Variants in FRMD4B observed in about 807,000 individuals in gnomAD.
The protein encoded by FRMD4B is FERM domain containing 4B, also known as FERM domain-containing protein 4B.
Under a neutral mutation model 141.5 loss-of-function variants are expected in FRMD4B, and 74 were observed. The observed-to-expected ratio is 0.52, with a 90% CI of 0.43 to 0.63. FRMD4B has a LOEUF of 0.63. Among genes scored for constraint, FRMD4B ranks in the 30% least tolerant of loss-of-function variants. The pLI is 0.00. For synonymous variants in FRMD4B, 506 were observed against 467.9 expected (o/e 1.08, Z -1.05); for missense variants, 1,366 against 1,253.4 (o/e 1.09, Z -1.36).
At chr3:69,429,750 CTTTTTTTTTTTTT>C (rs60665985) in intron 2 of FRMD4B, among the ~76,000 whole-genome samples, 3 of 79,478 alleles carry the variant, frequency 3.8e-5, no homozygotes, top group Admixed American at 1.5e-4. Context: ...GAGACCTCTT[CTTTTTTTTTTTTT>C]TTTTTTTTTT....
At chr3:69,283,894 C>T (rs13100429) in intron 5 of FRMD4B, among the ~76,000 whole-genome samples, 27,557 of 150,276 alleles carry the variant, frequency 0.18, 2,960 homozygotes, top group East Asian at 0.38. Flanking sequence ...AACTCTGCTT[C>T]GAATATTTAC....
chr3:69,308,786 C>T (rs1029585288), intron 3 of FRMD4B, among the ~76,000 whole-genome samples: 2 of 151,958 alleles, frequency 1.3e-5, no homozygotes. Context: ...CATGCTTAGC[C>T]CCACCTCAGG....
At chr3:69,232,458 C>G (rs2093314514) in intron 7 of FRMD4B, among the ~76,000 whole-genome samples, 1 of 152,194 alleles carries the variant, frequency 6.6e-6, no homozygotes, top group African/African-American at 2.4e-5. Context: ...CTGCCCATGA[C>G]CCACTATTTA....
At position 69,349,537 on chromosome 3, in the gene FRMD4B, C is replaced by T. The variant is rs143174950; in HGVS notation, c.163-36020G>A. 1.8e-3 allele frequency among the ~76,000 whole-genome samples: 269 copies of T among 152,236 alleles called. 1 individual carries two copies. The highest frequency in any genetic ancestry group is 5.4e-3 in the African/African-American group (224 of 41,542). ...CCAAGTCAATCCTAAGCCAAAAGAA[C>T]GAAACTGGAGGCATCAAGCTACCTG... On this transcript the variant is annotated intron_variant, in intron 1 of 22. Transcript: ENST00000398540.
intron 1 of FRMD4B, among the ~76,000 whole-genome samples, chr3:69,490,942 G>C (rs1051369189): frequency 2.6e-5 from 4 of 152,100 alleles, no homozygotes; most frequent in African/African-American, 9.7e-5. Context: ...CCTCCAAGAA[G>C]GAGCCAGAAT....
intron 1 of FRMD4B, among the ~76,000 whole-genome samples, chr3:69,342,351 A>G (rs1702767794): frequency 6.6e-6 from 1 of 152,232 alleles, no homozygotes; most frequent in Admixed American, 6.5e-5. Context: ...TCCAAATGAC[A>G]GAATGCTGAT....
rs1553730362 is a variant in FRMD4B at position 69,362,710 on chromosome 3, C to CCA, written c.162+23117_162+23118insTG. ...AACAACAAAAAGCCAACCCCCCCCC[C>CCA]AAAAAAACAAACAAAAAACAAAAAC... On this transcript the variant is annotated intron_variant, in intron 1 of 22. Coordinates refer to ENST00000398540, the MANE Select transcript of FRMD4B (RefSeq NM_015123.3). Among the ~76,000 whole-genome samples, 438 of 148,184 alleles carry CCA rather than the reference C, an allele frequency of 3.0e-3. 8 individuals carry two copies. The highest frequency in any genetic ancestry group is 0.01 in the African/African-American group (407 of 40,126).
chr3:69,278,880 T>C (rs1365361966), intron 5 of FRMD4B, among the ~76,000 whole-genome samples: 2 of 152,180 alleles, frequency 1.3e-5, no homozygotes, highest in Non-Finnish European at 2.9e-5. Flanking sequence ...TGAGCCACCA[T>C]GCCCTGCTCC....
At chr3:69,296,648 T>A (rs1279884348) in intron 4 of FRMD4B, among the ~76,000 whole-genome samples, 1 of 152,172 alleles carries the variant, frequency 6.6e-6, no homozygotes, top group East Asian at 1.9e-4. Context: ...CAGCTCAGCC[T>A]AAGTAGGAGA....
chr3:69,179,028 A>G (rs2092678325), intron 21 of FRMD4B, among the ~76,000 whole-genome samples: 1 of 151,950 alleles, frequency 6.6e-6, no homozygotes, highest in African/African-American at 2.4e-5. Context: ...TTATCACTCC[A>G]TGAGAATGAC....
intron 1 of FRMD4B, among the ~76,000 whole-genome samples, chr3:69,437,055 A>C (rs1031490068): frequency 6.6e-6 from 1 of 152,048 alleles, no homozygotes; most frequent in African/African-American, 2.4e-5. Flanking sequence ...CTGGAGATGA[A>C]TCGTGGTAGT....
chr3:69,408,422 C>T (rs1704690114), intron 2 of FRMD4B, among the ~76,000 whole-genome samples: 1 of 152,272 alleles, frequency 6.6e-6, no homozygotes, highest in South Asian at 2.1e-4. Context: ...CTGAAAGTTC[C>T]GCCAATTGAC....
intron 1 of FRMD4B, among the ~76,000 whole-genome samples, chr3:69,380,272 G>A (rs1397386124): frequency 6.6e-6 from 1 of 152,140 alleles, no homozygotes; most frequent in Non-Finnish European, 1.5e-5. Context: ...GCTGCTGTGG[G>A]AAATTTCACA....
chr3:69,338,533 C>A (rs1382042413), intron 1 of FRMD4B, among the ~76,000 whole-genome samples: 7 of 151,446 alleles, frequency 4.6e-5, no homozygotes, highest in African/African-American at 1.7e-4. Context: ...TCCTTTGCAA[C>A]AACATGAATG....
At chr3:69,536,860 C>T (rs1398673575) in intron 1 of FRMD4B, among the ~76,000 whole-genome samples, 1 of 152,142 alleles carries the variant, frequency 6.6e-6, no homozygotes, top group Non-Finnish European at 1.5e-5. Flanking sequence ...GATTCTTCCA[C>T]CTCAGCCTTC....
rs138697424 is a variant in FRMD4B, at chr3:69,428,276, C to CAT, written c.-1+4356_-1+4357dup. On this transcript the variant is annotated intron_variant, in intron 2 of 5. Coordinates refer to the FRMD4B transcript ENST00000459638. ...TAGCTGTGTGACCTGGGGCATGTTA[C>CAT]ATAACCTCTCTGTTCTCAGTGATCT... 2.6e-3 allele frequency among the ~76,000 whole-genome samples: 389 copies of CAT among 151,510 alleles called. 3 individuals carry two copies. Among genetic ancestry groups the CAT allele is most frequent in the African/African-American group, 8.9e-3 (368 of 41,356 alleles).
intron 5 of FRMD4B, among the ~76,000 whole-genome samples, chr3:69,270,569 C>CTTT (rs57693333): frequency 0.11 from 16,418 of 143,642 alleles, 1,330 homozygotes; most frequent in East Asian, 0.27. Flanking sequence ...TTCTTTTTTT[C>CTTT]TTTTTTTTTT....
At chr3:69,507,260 G>T (rs902582961) in intron 1 of FRMD4B, among the ~76,000 whole-genome samples, 4 of 152,080 alleles carry the variant, frequency 2.6e-5, no homozygotes, top group Admixed American at 2.6e-4. Context: ...TCAGTGAAAG[G>T]TCCATCTCTC....
chr3:69,298,694 TG>T (rs1701112695), intron 4 of FRMD4B, among the ~76,000 whole-genome samples: 1 of 152,208 alleles, frequency 6.6e-6, no homozygotes, highest in Non-Finnish European at 1.5e-5. Context: ...GAAATGGGCC[TG>T]GGTCCTGGGT....
Sources: gnomAD v4.1 joint callset for allele counts (sites outside exome capture counted in the v4.1 genomes callset) on GRCh38, gnomAD v4.1.1 for gene constraint, MANE v1.5 for transcripts, NCBI Gene and HGNC (gene_info 2026-07-23, HGNC 2026-07-21) for gene names.